MYO5C: variants seen among roughly 807,000 people sequenced by gnomAD.
The protein encoded by MYO5C is myosin VC, also known as unconventional myosin-Vc.
MYO5C carries 194 observed loss-of-function variants against 235.7 expected under a neutral mutation model. That is an observed-to-expected ratio of 0.82 (90% CI 0.73 to 0.93). The LOEUF (loss-of-function observed/expected upper bound fraction) is 0.93, where lower values mean the gene tolerates loss of function less well. MYO5C is among the 40% of genes least tolerant of loss of function. MYO5C has a pLI of 0.00. For missense variants in MYO5C, 2,038 were observed against 2,127.2 expected (o/e 0.96, Z 0.82); for synonymous variants, 707 against 754.8 (o/e 0.94, Z 1.04).
Position 52,241,745 on chromosome 15 carries a change from T to TGA in MYO5C, c.2556+302_2556+303insTC, listed in dbSNP as rs1363315111. ...AGTGCAACTGGTGTGTGTGTGTGTG[T>TGA]GTGTGTGAGAGAGAGAGACAGGGTC... On this transcript the variant is annotated intron_variant, in intron 20 of 40. Transcript: ENST00000261839. Among the ~76,000 whole-genome samples the TGA allele has an allele frequency of 4.9e-4, 40 of 81,374 alleles. No homozygotes were observed. In the Middle Eastern group the frequency reaches 0.026, roughly 53 times the overall value. 53.4% of individuals were successfully genotyped at this position (81,374 alleles called of 152,430 possible).
chr15:52,198,293 C>T (rs147354953), intron 38 of MYO5C, among the ~76,000 whole-genome samples: 122 of 152,280 alleles, frequency 8.0e-4, no homozygotes, highest in African/African-American at 2.9e-3. Context: ...TGAGATTGCA[C>T]CACTGTAGTT....
intron 24 of MYO5C, among the ~76,000 whole-genome samples, chr15:52,232,311 AGG>A (rs2035979020): frequency 7.0e-6 from 1 of 143,256 alleles, no homozygotes; most frequent in Non-Finnish European, 1.5e-5. Context: ...GAAGGAAGGA[AGG>A]AGAGAAGGAA....
intron 1 of MYO5C, among the ~76,000 whole-genome samples, chr15:52,291,346 C>T (rs2037384036): frequency 6.6e-6 from 1 of 152,144 alleles, no homozygotes; most frequent in Non-Finnish European, 1.5e-5. Context: ...GTCTGTCCTA[C>T]CCACCCTTCC....
chr15:52,292,983 G>A (rs1008738243), intron 1 of MYO5C, among the ~76,000 whole-genome samples: 1 of 152,250 alleles, frequency 6.6e-6, no homozygotes, highest in Non-Finnish European at 1.5e-5. Context: ...GCAGGACCTC[G>A]TGGCTGGTCA....
chr15:52,223,847 C>T (rs1431349740), intron 28 of MYO5C, 123 bp from the exon 29 acceptor site: 1 of 776,226 alleles, frequency 1.3e-6, no homozygotes, highest in African/African-American at 1.8e-5. Context: ...TTTACTTATG[C>T]ACTCACGGTT....
intron 19 of MYO5C, chr15:52,242,447 C>T: frequency 2.1e-6 from 1 of 481,168 alleles, no homozygotes; most frequent in Non-Finnish European, 3.7e-6. Context: ...CCAGTCGATT[C>T]ACCTCCACTC....
chr15:52,220,538 G>A (rs1596152868), intron 30 of MYO5C, among the ~76,000 whole-genome samples: 1 of 152,150 alleles, frequency 6.6e-6, no homozygotes, highest in Admixed American at 6.5e-5. Flanking sequence ...AAATTTTTGG[G>A]CTGGGTTCAG....
intron 38 of MYO5C, among the ~76,000 whole-genome samples, chr15:52,203,397 G>C (rs911111733): frequency 4.6e-5 from 7 of 152,062 alleles, no homozygotes; most frequent in Admixed American, 4.6e-4. Flanking sequence ...GCCCAGGTTG[G>C]AGTGCAATGG....
chr15:52,264,271 G>A lies in MYO5C; in HGVS notation c.966C>T (p.Asp322=), dbSNP rs372673012. 85 of 1,614,044 alleles carry A rather than the reference G, an allele frequency of 5.3e-5. No homozygotes were observed. In the East Asian group the frequency reaches 1.3e-3, roughly 25 times the overall value. ...LLGFKEDFQM[D]VFKILAAILH... is the part of the protein sequence containing the mutation. ...GGATGGCTGCCAGGATTTTAAAAAC[G>A]TCCATCTGAAAATCCTCCTTGAAAC... is the stretch of plus-strand genomic sequence containing the variant. The change falls in exon 9 of 41, where the codon GAC becomes GAT. Residue 322 remains aspartate (D), a synonymous_variant. Coordinates refer to ENST00000261839, the MANE Select transcript of MYO5C (RefSeq NM_018728.4).
chr15:52,280,590 T>A (rs1485542033), intron 2 of MYO5C, among the ~76,000 whole-genome samples: 1 of 152,222 alleles, frequency 6.6e-6, no homozygotes, highest in African/African-American at 2.4e-5. Context: ...CTAGGCCGCC[T>A]TCCAGGTATT....
At chr15:52,236,148 C>T (rs1156475998) in intron 22 of MYO5C, among the ~76,000 whole-genome samples, 1 of 152,238 alleles carries the variant, frequency 6.6e-6, no homozygotes, top group African/African-American at 2.4e-5. Flanking sequence ...CACTTTGCAA[C>T]TGTTATGACT....
chr15:52,292,717 GT>G (rs2037417513), intron 1 of MYO5C, among the ~76,000 whole-genome samples: 1 of 152,254 alleles, frequency 6.6e-6, no homozygotes, highest in African/African-American at 2.4e-5. Flanking sequence ...GAGACACAGA[GT>G]TCACGAGCTG....
At chr15:52,292,970 G>C (rs554697875) in intron 1 of MYO5C, among the ~76,000 whole-genome samples, 68 of 152,376 alleles carry the variant, frequency 4.5e-4, no homozygotes, top group Non-Finnish European at 6.5e-4. Flanking sequence ...GGCAGGGAGA[G>C]AGGCAGGACC....
intron 13 of MYO5C, among the ~76,000 whole-genome samples, chr15:52,249,590 G>T (rs142922449): frequency 1.3e-5 from 2 of 152,152 alleles, no homozygotes; most frequent in Admixed American, 6.6e-5. Flanking sequence ...TATCCTTGCC[G>T]GTAGGTAGGT....
intron 4 of MYO5C, chr15:52,277,334 A>AT: frequency 4.1e-6 from 2 of 488,246 alleles, no homozygotes; most frequent in Non-Finnish European, 8.1e-6. Context: ...CAAAGAGCTC[A>AT]TCCCACCCAT....
intron 32 of MYO5C, 124 bp downstream of exon 32, chr15:52,218,395 G>T: frequency 1.0e-6 from 1 of 989,796 alleles, no homozygotes. Flanking sequence ...TAAGAAAACA[G>T]ACTGCTCTGA....
At position 52,275,431 on chromosome 15, in the gene MYO5C, C is replaced by T. The variant is rs2037021382; in HGVS notation, c.606+131G>A. 2.7e-6 allele frequency: 3 copies of T among 1,114,624 alleles called. No individual in the cohort carries two copies. The African/African-American group carries it at 4.6e-5, about 17-fold the overall frequency. The allele number at this position is 1,114,624 out of a possible 1,614,324, so 69.0% of individuals were successfully genotyped here. On this transcript the variant is annotated intron_variant, in intron 5 of 40. Transcript: ENST00000261839. ...TCAAATCCCACCAGCAAATAGGCTTCCCGGGTCTTTCCTGCCCTCACTTCT... is the reference window on the plus strand; with the variant it reads ...TCAAATCCCACCAGCAAATAGGCTTTCCGGGTCTTTCCTGCCCTCACTTCT...
intron 1 of MYO5C, among the ~76,000 whole-genome samples, chr15:52,286,702 C>T (rs2037282404): frequency 6.6e-6 from 1 of 152,044 alleles, no homozygotes; most frequent in Non-Finnish European, 1.5e-5. Context: ...GGATTAAGGG[C>T]GGTGCAAGAT....
At chr15:52,291,731 G>GTTGTTTTT (rs2037391906) in intron 1 of MYO5C, among the ~76,000 whole-genome samples, 1 of 52,562 alleles carries the variant, frequency 1.9e-5, no homozygotes, top group Non-Finnish European at 3.3e-5. Flanking sequence ...CATATTTTAT[G>GTTGTTTTT]TTTTTTTTTT....
Sources: allele counts gnomAD v4.1 joint callset (sites outside exome capture counted in the v4.1 genomes callset), GRCh38; gene constraint gnomAD v4.1.1; transcripts MANE v1.5; gene names NCBI Gene and HGNC (gene_info 2026-07-23, HGNC 2026-07-21).